Variants in KDM4D observed in about 807,000 individuals in gnomAD.
The protein encoded by KDM4D is lysine demethylase 4D.
For missense variants in KDM4D, 427 were observed against 674.8 expected (o/e 0.63, Z 4.07); for synonymous variants, 254 against 249.1 (o/e 1.02, Z -0.19).
chr11:94,981,082 A>G (rs1015600196), intron 2 of KDM4D, among the ~76,000 whole-genome samples: 5 of 152,180 alleles, frequency 3.3e-5, no homozygotes, highest in Non-Finnish European at 7.4e-5. Context: ...TTTGCCTACT[A>G]TTTTTAATTT....
chr11:94,976,485 T>G (rs1857798171), intron 2 of KDM4D, among the ~76,000 whole-genome samples: 1 of 152,202 alleles, frequency 6.6e-6, no homozygotes, highest in South Asian at 2.1e-4. Flanking sequence ...TTACTGGAGA[T>G]GAGGTGACCC....
Position 94,980,623 on chromosome 11 carries a change from T to G in KDM4D, c.-350+4875T>G, listed in dbSNP as rs587686472. ...CTCTAAGTACATTCATATTGTTGTC[T>G]TCATAGAAATTTTGCAAATTTTTGT... On this transcript the variant is annotated intron_variant, in intron 2 of 2. Transcript: ENST00000335080. Among the ~76,000 whole-genome samples, 7 of 152,308 alleles carry G rather than the reference T, an allele frequency of 4.6e-5. No homozygotes were observed. The South Asian group carries it at 1.5e-3, about 32-fold the overall frequency.
intron 2 of KDM4D, among the ~76,000 whole-genome samples, chr11:94,993,400 A>G (rs1321747359): frequency 6.6e-6 from 1 of 152,166 alleles, no homozygotes; most frequent in Non-Finnish European, 1.5e-5. Flanking sequence ...TCCAGTTGAA[A>G]GAAGCAAGTA....
chr11:94,998,354 C>T lies in KDM4D; in HGVS notation c.982C>T (p.Leu328=). Residue 328 remains leucine (L), a synonymous_variant, in exon 3 of 3, where the codon CTG becomes TTG. Coordinates refer to ENST00000335080, the MANE Select transcript of KDM4D (RefSeq NM_018039.3). The surrounding 1 kb of genome is among the most constrained non-coding windows in gnomAD (Gnocchi z 6.7). ...TTCCATGGATGCCTTCGTGCGCATC[C>T]TGCAACCTGAACGCTATGACCTGTG... ...TFSMDAFVRI[L]QPERYDLWKR... 1 of 1,614,206 alleles carries T rather than the reference C, an allele frequency of 6.2e-7. No homozygotes were observed. The highest frequency in any genetic ancestry group is 8.5e-7 in the Non-Finnish European group (1 of 1,180,028).
At chr11:94,975,556 A>T (rs1407233774) in intron 1 of KDM4D, 98 bp from the exon 2 acceptor site, 1 of 152,140 alleles carries the variant, frequency 6.6e-6, no homozygotes, top group Non-Finnish European at 1.5e-5. Context: ...TAAAGTGCTT[A>T]GAACTGTCTC....
At chr11:94,983,699 C>T (rs980878284) in intron 2 of KDM4D, among the ~76,000 whole-genome samples, 1 of 152,104 alleles carries the variant, frequency 6.6e-6, no homozygotes, top group Non-Finnish European at 1.5e-5. Flanking sequence ...TACTTGACTT[C>T]ACCAGTAAAC....
Position 94,997,726 on chromosome 11 carries a change from C to T in KDM4D, c.354C>T (p.Phe118=), listed in dbSNP as rs781867849. The change falls in exon 3 of 3, where the codon TTC becomes TTT. Residue 118 remains phenylalanine, a synonymous_variant. Transcript: ENST00000335080. ...ATCAGACTCCACCACACCAGAATTT[C>T]GAAGATTTGGAGCGAAAATACTGGA... ...KKYQTPPHQN[F]EDLERKYWKN... 1.5e-5 allele frequency: 24 copies of T among 1,614,106 alleles called. No individual in the cohort carries two copies. Among genetic ancestry groups the T allele is most frequent in the Admixed American group, 6.7e-5 (4 of 60,004 alleles).
chr11:94,986,454 G>C (rs1555098130), intron 2 of KDM4D, among the ~76,000 whole-genome samples: 1 of 152,012 alleles, frequency 6.6e-6, no homozygotes, highest in Non-Finnish European at 1.5e-5. Context: ...AATTAGCCAG[G>C]CATGGTGATG....
chr11:94,983,544 A>G lies in KDM4D; in HGVS notation c.-350+7796A>G, dbSNP rs188810573. On this transcript the variant is annotated intron_variant, in intron 2 of 2. Transcript: ENST00000335080. Reference sequence around the variant, plus strand: ...GAGATAAGTTATTTGCAACAATACAATAGACATAAAATTATCCCAAACATT... The same window carrying G: ...GAGATAAGTTATTTGCAACAATACAGTAGACATAAAATTATCCCAAACATT... Among the ~76,000 whole-genome samples, 353 of 152,296 alleles carry G rather than the reference A, an allele frequency of 2.3e-3. 2 individuals carry two copies. Among genetic ancestry groups the G allele is most frequent in the Admixed American group, 3.9e-3 (59 of 15,302 alleles).
intron 2 of KDM4D, among the ~76,000 whole-genome samples, chr11:94,975,953 T>C (rs922443581): frequency 6.6e-6 from 1 of 152,188 alleles, no homozygotes; most frequent in Admixed American, 6.5e-5. Context: ...TGGTGATAAA[T>C]AGCCACCCTA....
chr11:94,989,304 C>A (rs1393293214), intron 2 of KDM4D, among the ~76,000 whole-genome samples: 1 of 152,126 alleles, frequency 6.6e-6, no homozygotes, highest in East Asian at 1.9e-4. Context: ...AATGTATTGA[C>A]AGTCCAAAGA....
intron 2 of KDM4D, among the ~76,000 whole-genome samples, chr11:94,994,621 GGGA>G (rs1464466086): frequency 1.3e-5 from 2 of 151,980 alleles, no homozygotes; most frequent in Non-Finnish European, 2.9e-5. Flanking sequence ...AGGAGGAAGG[GGGA>G]GGTGTTCTGT....
At chr11:94,984,179 T>G (rs1363593473) in intron 2 of KDM4D, among the ~76,000 whole-genome samples, 1 of 152,168 alleles carries the variant, frequency 6.6e-6, no homozygotes, top group East Asian at 1.9e-4. Context: ...ATCTTGAAAC[T>G]GTTAATGTTG....
At chr11:94,988,674 ATTG>A (rs1280947144) in intron 2 of KDM4D, among the ~76,000 whole-genome samples, 1 of 152,118 alleles carries the variant, frequency 6.6e-6, no homozygotes, top group East Asian at 1.9e-4. Context: ...ATATCTAACT[ATTG>A]TTTGTTGGGT....
At chr11:94,995,267 T>C (rs1857966542) in intron 2 of KDM4D, among the ~76,000 whole-genome samples, 1 of 152,210 alleles carries the variant, frequency 6.6e-6, no homozygotes, top group African/African-American at 2.4e-5. Flanking sequence ...TCTTCCTTCA[T>C]AAAATTGGGA....
At chr11:94,977,030 G>A (rs1857803222) in intron 2 of KDM4D, among the ~76,000 whole-genome samples, 1 of 151,742 alleles carries the variant, frequency 6.6e-6, no homozygotes, top group African/African-American at 2.4e-5. Flanking sequence ...ACATATAAAG[G>A]ATTACTGCTA....
At chr11:94,989,697 C>T (rs1188803564) in intron 2 of KDM4D, among the ~76,000 whole-genome samples, 1 of 149,980 alleles carries the variant, frequency 6.7e-6, no homozygotes, top group African/African-American at 2.4e-5. Flanking sequence ...TTTGTAGGCA[C>T]AAAAGGTACA....
chr11:94,974,828 G>A (rs1337273849), intron 1 of KDM4D, among the ~76,000 whole-genome samples: 1 of 152,132 alleles, frequency 6.6e-6, no homozygotes, highest in Non-Finnish European at 1.5e-5. Context: ...CTCCTACCTG[G>A]ATTGTAATTG....
intron 2 of KDM4D, among the ~76,000 whole-genome samples, chr11:94,980,950 G>A (rs934429317): frequency 2.1e-4 from 32 of 151,966 alleles, no homozygotes; most frequent in African/African-American, 7.7e-4. Context: ...AGATAATGTT[G>A]AATAAAAATG....
Sources: allele counts gnomAD v4.1 joint callset (sites outside exome capture counted in the v4.1 genomes callset), GRCh38; gene constraint gnomAD v4.1.1; non-coding constraint Gnocchi (gnomAD v3.1); transcripts MANE v1.5; gene names NCBI Gene and HGNC (gene_info 2026-07-23, HGNC 2026-07-21).